PDXK: variants seen among roughly 807,000 people sequenced by gnomAD.
PDXK encodes the protein epididymis secretory sperm binding protein Li 1a.
A neutral mutation model predicts 43.2 loss-of-function variants in PDXK; 15 were observed. The observed-to-expected ratio is 0.35, with a 90% CI of 0.23 to 0.53. The LOEUF (loss-of-function observed/expected upper bound fraction) is 0.53, where lower values mean the gene tolerates loss of function less well. PDXK is among the 20% of genes least tolerant of loss of function. The pLI is 0.92. For missense variants in PDXK, 343 were observed against 417.0 expected, an observed-to-expected ratio of 0.82 and a Z score of 1.54; for synonymous variants, 172 against 165.4, an observed-to-expected ratio of 1.04 and a Z score of -0.31.
rs2083921808 is a variant in PDXK, at chr21:43,760,797, C to T, written c.*4734C>T. The T allele has an allele frequency of 6.6e-6, 1 of 152,256 alleles. No homozygotes were observed. The highest frequency in any genetic ancestry group is 1.5e-5 in the Non-Finnish European group (1 of 68,060). The allele number at this position is 152,256 out of a possible 1,614,324, so 9.4% of individuals were successfully genotyped here. On this transcript the variant is annotated 3_prime_UTR_variant, in exon 11 of 11. Transcript: ENST00000291565. The stretch of plus-strand genomic sequence containing the variant: ...GTGACAGCTGTGTCCAAGCCACTGC[C>T]CGGGCATCCCATCACCCACCAGGGT...
intron 5 of PDXK, 83 bp from the exon 6 acceptor site, chr21:43,748,912 C>A: frequency 1.2e-6 from 1 of 813,046 alleles, no homozygotes; most frequent in Non-Finnish European, 2.1e-6. Context: ...GGGGAGCACT[C>A]CGTGGTGGGC....
At chr21:43,720,622 A>G (rs925948435) in intron 1 of PDXK, among the ~76,000 whole-genome samples, 6 of 152,096 alleles carry the variant, frequency 3.9e-5, no homozygotes, top group African/African-American at 1.4e-4. Context: ...GTCAGGGTGC[A>G]CCGGTTCTGT....
At chr21:43,724,922 C>T (rs2083238768) in intron 1 of PDXK, among the ~76,000 whole-genome samples, 2 of 151,978 alleles carry the variant, frequency 1.3e-5, no homozygotes, top group Admixed American at 1.3e-4. Context: ...AATACCGATG[C>T]ACTAGGTAGA....
intron 5 of PDXK, chr21:43,748,232 C>T (rs532604826): frequency 6.6e-6 from 1 of 152,438 alleles, no homozygotes; most frequent in Non-Finnish European, 1.5e-5. Flanking sequence ...TGGCTCACGC[C>T]TGTAATTCCA....
intron 1 of PDXK, 82 bp downstream of exon 1, chr21:43,719,463 C>T: frequency 7.2e-7 from 1 of 1,385,176 alleles, no homozygotes; most frequent in Non-Finnish European, 9.7e-7. Flanking sequence ...CCTCAGTTCC[C>T]CGAGGGAGGC....
intron 7 of PDXK, among the ~76,000 whole-genome samples, chr21:43,750,912 ATGTGTGCATG>A (rs1054719020): frequency 1.6e-5 from 1 of 62,824 alleles, no homozygotes; most frequent in African/African-American, 5.3e-5. Context: ...GTGTGCACGC[ATGTGTGCATG>A]TGTGTGCGTA....
intron 2 of PDXK, chr21:43,736,872 G>A (rs1225344708): frequency 8.6e-6 from 6 of 696,226 alleles, no homozygotes; most frequent in East Asian, 5.4e-5. Context: ...GGGCTCAAGC[G>A]ATCCTGCCCC....
chr21:43,750,314 G>GGTC (rs1366984111), intron 6 of PDXK, among the ~76,000 whole-genome samples, 186 bp from the exon 7 acceptor site: 2 of 152,242 alleles, frequency 1.3e-5, no homozygotes, highest in Non-Finnish European at 2.9e-5. Flanking sequence ...GTAATGTGAG[G>GGTC]GTCCCCTTTA....
chr21:43,733,996 C>A, intron 1 of PDXK, 73 bp from the exon 2 acceptor site: 1 of 1,468,886 alleles, frequency 6.8e-7, no homozygotes, highest in South Asian at 1.1e-5. Context: ...TCTTCTGAGT[C>A]AGCACCTGCT....
At chr21:43,728,852 G>A in intron 1 of PDXK, 1 of 985,604 alleles carries the variant, frequency 1.0e-6, no homozygotes, top group Non-Finnish European at 1.2e-6. Flanking sequence ...AAGCACTTCC[G>A]CTGCGGCCCC....
chr21:43,758,428 T>C lies in PDXK; in HGVS notation c.*2365T>C, dbSNP rs2083886736. ...TGGTGCCTTTGTGGGTGCAGGGCTT[T>C]TGTGGAAATTGTCAGCCTCTACGGG... On this transcript the variant is annotated 3_prime_UTR_variant, in exon 11 of 11. Transcript: ENST00000291565. 1 of 153,384 alleles carries C rather than the reference T, an allele frequency of 6.5e-6. No individual in the cohort carries two copies. Among genetic ancestry groups the C allele is most frequent in the Non-Finnish European group, 1.5e-5 (1 of 68,078 alleles). The allele number at this position is 153,384 out of a possible 1,614,324, so 9.5% of individuals were successfully genotyped here.
Position 43,732,367 on chromosome 21 carries a change from C to T in PDXK, c.88-1702C>T, listed in dbSNP as rs192856632. The T allele has an allele frequency of 3.0e-3, 4,760 of 1,611,090 alleles. 11 individuals carry two copies. Among genetic ancestry groups the T allele is most frequent in the Non-Finnish European group, 3.0e-3 (3,487 of 1,178,338 alleles). On this transcript the variant is annotated intron_variant, in intron 1 of 10. Transcript: ENST00000291565. The surrounding 1 kb of genome is among the most constrained non-coding windows in gnomAD (Gnocchi z 4.1). ...CTTCTGAGTCTGGCTTTGTCTGGCA[C>T]ATGAAGTTGGATGGGTAGACTCTGG...
intron 1 of PDXK, among the ~76,000 whole-genome samples, chr21:43,726,430 C>G (rs1002909354): frequency 6.6e-6 from 1 of 151,988 alleles, no homozygotes; most frequent in Non-Finnish European, 1.5e-5. Flanking sequence ...CGCCCGCCAC[C>G]ACACCAGGCA....
intron 10 of PDXK, 90 bp downstream of exon 10, chr21:43,755,854 G>A: frequency 6.9e-7 from 1 of 1,454,600 alleles, no homozygotes; most frequent in Non-Finnish European, 9.6e-7. Context: ...TTTTGAAGGT[G>A]TGATCGGTGT....
rs1309217656 is a variant in PDXK at position 43,754,629 on chromosome 21, G to GT, written c.759+912dup. ...GTACTTCCCACTGCGTCCGCAGTGG[G>GT]TTCAGGTGGGAGGGAGGGGCCTGCC... On this transcript the variant is annotated intron_variant, in intron 9 of 10. Coordinates refer to ENST00000291565, the MANE Select transcript of PDXK (RefSeq NM_003681.5). The surrounding 1 kb of genome is among the most constrained non-coding windows in gnomAD (Gnocchi z 5.5). 1.3e-5 allele frequency among the ~76,000 whole-genome samples: 2 copies of GT among 152,292 alleles called. No homozygotes were observed. Among genetic ancestry groups the GT allele is most frequent in the African/African-American group, 4.8e-5 (2 of 41,568 alleles).
intron 1 of PDXK, among the ~76,000 whole-genome samples, chr21:43,722,322 A>G (rs2083212669): frequency 6.6e-6 from 1 of 152,194 alleles, no homozygotes; most frequent in African/African-American, 2.4e-5. Context: ...CTTCCTGGCT[A>G]TCAGTTCAGC....
chr21:43,742,034 G>A (rs910103320), intron 3 of PDXK, among the ~76,000 whole-genome samples: 1 of 152,130 alleles, frequency 6.6e-6, no homozygotes, highest in Non-Finnish European at 1.5e-5. Context: ...AGTGCCCAGG[G>A]GAGGGTGCAG....
Position 43,757,440 on chromosome 21 carries a change from C to T in PDXK, c.*1377C>T, listed in dbSNP as rs1225167060. ...CCATGGGGCCCCCAAGAAGCGGACTCTCCAAGGGGTACCCCCACCCCGCTA... is the reference window on the plus strand; with the variant it reads ...CCATGGGGCCCCCAAGAAGCGGACTTTCCAAGGGGTACCCCCACCCCGCTA... On this transcript the variant is annotated 3_prime_UTR_variant, in exon 11 of 11. Coordinates refer to ENST00000291565, the MANE Select transcript of PDXK (RefSeq NM_003681.5). The T allele has an allele frequency of 2.0e-5, 3 of 152,280 alleles. No homozygotes were observed. Among genetic ancestry groups the T allele is most frequent in the South Asian group, 2.1e-4 (1 of 4,830 alleles). 9.4% of individuals were successfully genotyped at this position (152,280 alleles called of 1,614,324 possible). A position where few individuals can be genotyped will look rare whatever the true frequency, so the allele number is the denominator to read the frequency against.
rs528521866 is a variant in PDXK, at chr21:43,727,567, C to T, written c.88-6502C>T. Among the ~76,000 whole-genome samples the T allele has an allele frequency of 5.3e-5, 8 of 152,302 alleles. No homozygotes were observed. The South Asian group carries it at 1.4e-3, about 28-fold the overall frequency. ...TCTTGTCCCATCTCCTTACCTGTGA[C>T]AGTCACCAAGCCTCTGGGAATGTGG... On this transcript the variant is annotated intron_variant, in intron 1 of 10. Transcript: ENST00000291565.
Sources: allele counts gnomAD v4.1 joint callset (sites outside exome capture counted in the v4.1 genomes callset), GRCh38; gene constraint gnomAD v4.1.1; non-coding constraint Gnocchi (gnomAD v3.1); transcripts MANE v1.5; gene names NCBI Gene and HGNC (gene_info 2026-07-23, HGNC 2026-07-21).